The following GREB1 variants were observed in gnomAD, a reference collection of about 807,000 sequenced individuals.
GREB1 encodes the protein protein GREB1.
Under a neutral mutation model 200.7 loss-of-function variants are expected in GREB1, and 106 were observed. The observed-to-expected ratio is 0.53, with a 90% CI of 0.45 to 0.62. The LOEUF (loss-of-function observed/expected upper bound fraction) is 0.62, where lower values mean the gene tolerates loss of function less well. Ranked by LOEUF, GREB1 falls within the 20% of genes least tolerant of loss-of-function variation. The probability of loss-of-function intolerance (pLI) is 0.00; values close to 1 mark genes in which losing one functional copy is unlikely to be tolerated. For missense variants in GREB1, 2,243 were observed against 2,556.8 expected (o/e 0.88, Z 2.65); for synonymous variants, 1,132 against 1,092.4 (o/e 1.04, Z -0.72).
intron 19 of GREB1, among the ~76,000 whole-genome samples, chr2:11,613,157 G>A (rs1683091152): frequency 6.6e-6 from 1 of 152,174 alleles, no homozygotes; most frequent in African/African-American, 2.4e-5. Flanking sequence ...ATCACAGCCT[G>A]GAAAGTCTTA....
At chr2:11,602,342 C>T in intron 16 of GREB1, 64 bp from the exon 17 acceptor site, 1 of 1,515,726 alleles carries the variant, frequency 6.6e-7, no homozygotes, top group Admixed American at 1.7e-5. Flanking sequence ...AGGCCTGGCA[C>T]ACGAACCTCT....
chr2:11,525,521 A>G (rs1011752999), intron 1 of GREB1, among the ~76,000 whole-genome samples: 1 of 148,594 alleles, frequency 6.7e-6, no homozygotes, highest in Non-Finnish European at 1.5e-5. Context: ...AAAAAAAGGC[A>G]TTCAGGTCAT....
intron 29 of GREB1, 110 bp downstream of exon 29, chr2:11,634,459 C>A (rs1685144871): frequency 1.3e-6 from 1 of 755,264 alleles, no homozygotes; most frequent in South Asian, 1.7e-5. Flanking sequence ...ACTGACCTGG[C>A]CTTGCTCTCC....
chr2:11,595,884 G>C (rs1681162108), intron 12 of GREB1, among the ~76,000 whole-genome samples: 1 of 151,966 alleles, frequency 6.6e-6, no homozygotes, highest in Admixed American at 6.6e-5. Context: ...TTACCATGTT[G>C]TTCTTCCTTC....
chr2:11,638,080 GC>G (rs1685525866), intron 31 of GREB1, among the ~76,000 whole-genome samples, 164 bp downstream of exon 31: 1 of 152,222 alleles, frequency 6.6e-6, no homozygotes, highest in Non-Finnish European at 1.5e-5. Context: ...GAGATGCTTT[GC>G]CTGGAAGTAA....
chr2:11,530,497 G>A (rs1674032927), upstream of GREB1, among the ~76,000 whole-genome samples: 1 of 151,186 alleles, frequency 6.6e-6, no homozygotes, highest in Non-Finnish European at 1.5e-5. Context: ...GAACCGGGAG[G>A]CGGAGGTTGC....
At position 11,514,377 on chromosome 2, in the gene GREB1, A is replaced by G. The variant is rs148523315; in HGVS notation, c.-159+31996A>G. Reference sequence around the variant, plus strand: ...TGCATTGTTGAACTTGGGATTCACCAGTTGGAGACTCTGACTCCAGATCCT... The same window carrying G: ...TGCATTGTTGAACTTGGGATTCACCGGTTGGAGACTCTGACTCCAGATCCT... On this transcript the variant is annotated intron_variant, in intron 1 of 2. Transcript: ENST00000628795. Among the ~76,000 whole-genome samples, 24 of 152,340 alleles carry G rather than the reference A, an allele frequency of 1.6e-4. 1 individual carries two copies. In the East Asian group the frequency reaches 4.1e-3, roughly 26 times the overall value.
At chr2:11,537,857 C>T (rs1244457401) in intron 1 of GREB1, among the ~76,000 whole-genome samples, 3 of 151,198 alleles carry the variant, frequency 2.0e-5, no homozygotes, top group Non-Finnish European at 2.9e-5. Context: ...GCAGGATCTA[C>T]CTATCTTTCT....
At chr2:11,490,794 C>T (rs1453390771) in intron 1 of GREB1, among the ~76,000 whole-genome samples, 1 of 152,176 alleles carries the variant, frequency 6.6e-6, no homozygotes, top group Non-Finnish European at 1.5e-5. Flanking sequence ...GGTGATCTGC[C>T]CGCCTTGGCC....
In GREB1 at chr2:11,566,585, C is replaced by G. The variant is rs144875843; in HGVS notation, c.383C>G (p.Pro128Arg). 3.1e-6 allele frequency: 5 copies of G among 1,614,152 alleles called. No homozygotes were observed. Among genetic ancestry groups the G allele is most frequent in the Admixed American group, 3.3e-5 (2 of 60,014 alleles). ...LLVGVKSPSL[P>R]DHLLVCAVDK... ...GTGGGGGTCAAGTCCCCCAGCCTGC[C>G]GGACCATCTCCTGGTGTGCGCCGTT... Residue 128 changes from proline (P) to arginine (R), a missense_variant, in exon 4 of 33, where the codon CCG (proline) becomes CGG (arginine). Around this residue, in one of 3 missense-constraint regions of GREB1, gnomAD observed 1,178 missense variants for 1,387.4 expected, o/e 0.85. Coordinates refer to ENST00000381486, the MANE Select transcript of GREB1 (RefSeq NM_014668.4).
intron 25 of GREB1, among the ~76,000 whole-genome samples, chr2:11,628,609 G>T (rs1448645761): frequency 6.6e-6 from 1 of 152,186 alleles, no homozygotes; most frequent in Non-Finnish European, 1.5e-5. Flanking sequence ...CTAACATTTT[G>T]TTTCTTGGAG....
rs1455169006 is a variant in GREB1, at chr2:11,580,144, GA to G, written c.773-557del. On this transcript the variant is annotated intron_variant, in intron 6 of 32. Coordinates refer to ENST00000381486, the MANE Select transcript of GREB1 (RefSeq NM_014668.4). The surrounding 1 kb of genome is among the most constrained non-coding windows in gnomAD (Gnocchi z 4.5). ...TCACTATCACGAGAACAGTATGGGGGAAACCACCCCCATGATTCAATTACCT... is the reference window on the plus strand; with the variant it reads ...TCACTATCACGAGAACAGTATGGGGGAACCACCCCCATGATTCAATTACCT... 6.6e-6 allele frequency among the ~76,000 whole-genome samples: 1 copy of G among 152,108 alleles called. No homozygotes were observed. The highest frequency in any genetic ancestry group is 6.5e-5 in the Admixed American group (1 of 15,272).
chr2:11,602,543 G>T lies in GREB1; in HGVS notation c.2666+1G>T. 6.2e-7 allele frequency: 1 copy of T among 1,613,614 alleles called. No homozygotes were observed. The highest frequency in any genetic ancestry group is 8.5e-7 in the Non-Finnish European group (1 of 1,179,538). ...CCATGGTCACTGCATTAGGAAAAAG[G>T]TACTTGTTTCTCTTCTAAGTTACTA... On this transcript the variant is annotated splice_donor_variant, in intron 17 of 32. Transcript: ENST00000381486. LOFTEE classifies it high-confidence loss of function.
chr2:11,596,503 T>G (rs1423970556), intron 13 of GREB1, among the ~76,000 whole-genome samples: 1 of 13,260 alleles, frequency 7.5e-5, no homozygotes, highest in Non-Finnish European at 1.3e-4. Flanking sequence ...GTGTGCACAG[T>G]GAGGGGGTGG....
At chr2:11,564,649 G>T (rs534161582) in intron 3 of GREB1, among the ~76,000 whole-genome samples, 2 of 152,216 alleles carry the variant, frequency 1.3e-5, no homozygotes, top group Non-Finnish European at 2.9e-5. Context: ...GGACCACACT[G>T]GGCTGGGAGG....
chr2:11,538,779 TCTTC>T (rs1347059694), intron 1 of GREB1, among the ~76,000 whole-genome samples: 5 of 21,362 alleles, frequency 2.3e-4, no homozygotes, highest in Non-Finnish European at 3.2e-4. Context: ...TTCCTTCCCG[TCTTC>T]CTTCCTTCCT....
At chr2:11,508,962 C>T (rs1275359458) in intron 1 of GREB1, among the ~76,000 whole-genome samples, 3 of 150,990 alleles carry the variant, frequency 2.0e-5, no homozygotes, top group Non-Finnish European at 4.4e-5. Context: ...GCAAGCTCCG[C>T]CTCCCGGGTT....
At chr2:11,527,512 C>T (rs1002417613) in intron 1 of GREB1, among the ~76,000 whole-genome samples, 1 of 152,204 alleles carries the variant, frequency 6.6e-6, no homozygotes, top group African/African-American at 2.4e-5. Flanking sequence ...AGCTGCTCAG[C>T]CTAAAAATGC....
rs1679447561 is a variant in GREB1, at chr2:11,581,261, C to G, written c.901+429C>G. The G allele has an allele frequency of 3.1e-5, 16 of 522,918 alleles. No individual in the cohort carries two copies. The South Asian group carries it at 4.3e-4, about 14-fold the overall frequency. 32.4% of individuals were successfully genotyped at this position (522,918 alleles called of 1,614,324 possible). A position where few individuals can be genotyped will look rare whatever the true frequency, so the allele number is the denominator to read the frequency against. The stretch of plus-strand genomic sequence containing the variant: ...CAAGTCTCAATAAATGTTTCTTCAT[C>G]TGGAGATGAGAATTCTGCTCCAAGG... On this transcript the variant is annotated intron_variant, in intron 7 of 32. Coordinates refer to ENST00000381486, the MANE Select transcript of GREB1 (RefSeq NM_014668.4).
Sources: allele counts gnomAD v4.1 joint callset (sites outside exome capture counted in the v4.1 genomes callset), GRCh38; gene constraint gnomAD v4.1.1; regional missense constraint gnomAD v4.1.1; non-coding constraint Gnocchi (gnomAD v3.1); transcripts MANE v1.5; gene names NCBI Gene and HGNC (gene_info 2026-07-23, HGNC 2026-07-21).